Variants in NR6A1 observed in about 807,000 individuals in gnomAD.
NR6A1 encodes the protein nuclear receptor subfamily 6 group A member 1.
In NR6A1, 7 loss-of-function variants were observed where a neutral mutation model predicts 59.1. The ratio of observed to expected loss-of-function variants is 0.12; its 90% CI spans 0.07 to 0.22. The LOEUF is 0.22. NR6A1 is among the 10% of genes least tolerant of loss of function. The pLI is 1.00. For missense variants in NR6A1, 468 were observed against 611.6 expected (o/e 0.77, Z 2.48); for synonymous variants, 243 against 236.1 (o/e 1.03, Z -0.27).
chr9:124,561,366 T>G lies in NR6A1; in HGVS notation c.143-6796A>C, dbSNP rs139682689. Reference sequence around the variant, plus strand: ...GGTAGGAGTATCACCTGAGCCCAGGTGGTCGAAGATGCAGTGAGCTGTGAT... The same window carrying G: ...GGTAGGAGTATCACCTGAGCCCAGGGGGTCGAAGATGCAGTGAGCTGTGAT... On this transcript the variant is annotated intron_variant, in intron 2 of 9. Transcript: ENST00000487099. 4.0e-3 allele frequency among the ~76,000 whole-genome samples: 613 copies of G among 152,098 alleles called. 3 individuals are homozygous for G. Among genetic ancestry groups the G allele is most frequent in the African/African-American group, 0.013 (558 of 41,498 alleles).
At chr9:124,668,954 C>T (rs1837707061) in intron 2 of NR6A1, among the ~76,000 whole-genome samples, 1 of 152,094 alleles carries the variant, frequency 6.6e-6, no homozygotes, top group South Asian at 2.1e-4. Context: ...TAAAGGAAAA[C>T]TCAAAATGAA....
rs933507312 is a variant in NR6A1 at position 124,599,122 on chromosome 9, A to G, written c.143-44552T>C. On this transcript the variant is annotated intron_variant, in intron 2 of 9. Transcript: ENST00000487099. ...ATTCTAGGAGACGGTTCTCTGCGGC[A>G]AATCACAGTTTCGCCCCCATTTTAA... The G allele has an allele frequency of 1.8e-5, 12 of 676,274 alleles. No individual in the cohort carries two copies. The South Asian group carries it at 1.8e-4, about 10-fold the overall frequency. 41.9% of individuals were successfully genotyped at this position (676,274 alleles called of 1,614,324 possible).
At chr9:124,697,642 G>C (rs1722636051) in intron 2 of NR6A1, among the ~76,000 whole-genome samples, 1 of 149,432 alleles carries the variant, frequency 6.7e-6, no homozygotes, top group South Asian at 2.1e-4. Context: ...TGGTGAAAAA[G>C]TCATGAGACA....
At chr9:124,681,155 T>C (rs1588776918) in intron 2 of NR6A1, among the ~76,000 whole-genome samples, 1 of 152,120 alleles carries the variant, frequency 6.6e-6, no homozygotes, top group Non-Finnish European at 1.5e-5. Context: ...AGCACTGGAG[T>C]TATTGTTACG....
At chr9:124,565,413 C>A (rs1220843339) in intron 2 of NR6A1, among the ~76,000 whole-genome samples, 1 of 151,788 alleles carries the variant, frequency 6.6e-6, no homozygotes, top group African/African-American at 2.4e-5. Context: ...GGCAACAGAA[C>A]GAGACTCCGT....
intron 2 of NR6A1, among the ~76,000 whole-genome samples, chr9:124,660,938 ATAAAATTAGTATCTTTT>A (rs1425087968): frequency 1.3e-5 from 2 of 152,226 alleles, no homozygotes; most frequent in African/African-American, 4.8e-5. Flanking sequence ...GTGACATGTA[ATAAAATTAGTATCTTTT>A]TAAAATTCCA....
At chr9:124,582,144 T>G (rs556312605) in intron 2 of NR6A1, among the ~76,000 whole-genome samples, 10 of 152,274 alleles carry the variant, frequency 6.6e-5, no homozygotes, top group African/African-American at 1.9e-4. Context: ...TGCAGTACTA[T>G]TCACAATAGC....
intron 2 of NR6A1, among the ~76,000 whole-genome samples, chr9:124,676,397 T>C (rs531943621): frequency 1.2e-4 from 18 of 152,110 alleles, no homozygotes; most frequent in Non-Finnish European, 2.6e-4. Flanking sequence ...CAAGCTGGCA[T>C]AGTTCTGATG....
intron 2 of NR6A1, among the ~76,000 whole-genome samples, chr9:124,626,088 C>T (rs1243924404): frequency 6.6e-6 from 1 of 152,240 alleles, no homozygotes; most frequent in African/African-American, 2.4e-5. Context: ...CTTACTGCAA[C>T]CTCTGCCTGC....
chr9:124,767,481 C>T (rs919372568), intron 1 of NR6A1, among the ~76,000 whole-genome samples: 4 of 149,006 alleles, frequency 2.7e-5, no homozygotes, highest in African/African-American at 9.9e-5. Flanking sequence ...CTACCCTAGC[C>T]GTCTTTGGAG....
chr9:124,760,579 G>C (rs1183413127), intron 1 of NR6A1, among the ~76,000 whole-genome samples: 2 of 152,104 alleles, frequency 1.3e-5, no homozygotes, highest in Non-Finnish European at 2.9e-5. Context: ...TGGAGAAGAG[G>C]GGATGTTAAA....
At chr9:124,683,153 G>GA (rs1838223880) in intron 2 of NR6A1, among the ~76,000 whole-genome samples, 1 of 152,026 alleles carries the variant, frequency 6.6e-6, no homozygotes. Context: ...AGTGAGCTGG[G>GA]ATCACGCCAC....
intron 2 of NR6A1, among the ~76,000 whole-genome samples, chr9:124,683,536 G>A (rs1181306053): frequency 6.6e-6 from 1 of 152,234 alleles, no homozygotes; most frequent in Non-Finnish European, 1.5e-5. Context: ...GCTCATGCCT[G>A]TAATCCCAGC....
At position 124,665,183 on chromosome 9, in the gene NR6A1, C is replaced by CA. The variant is rs928587957; in HGVS notation, c.142+68124dup. Among the ~76,000 whole-genome samples the CA allele has an allele frequency of 9.2e-3, 1,155 of 125,018 alleles. 6 individuals carry two copies. Among genetic ancestry groups the CA allele is most frequent in the Middle Eastern group, 0.028 (7 of 246 alleles). 82.0% of individuals were successfully genotyped at this position (125,018 alleles called of 152,430 possible). ...CCAGGGTGACAACAAGAACCTTTCT[C>CA]AAAAAAAAAAAAAAGAATAAAATAA... is the stretch of plus-strand genomic sequence containing the variant. On this transcript the variant is annotated intron_variant, in intron 2 of 9. Transcript: ENST00000487099.
intron 1 of NR6A1, among the ~76,000 whole-genome samples, chr9:124,744,769 AGTTT>A (rs1840276700): frequency 6.6e-6 from 1 of 152,208 alleles, no homozygotes; most frequent in Non-Finnish European, 1.5e-5. Context: ...CTGATCAAGG[AGTTT>A]GTTTGAACAT....
intron 3 of NR6A1, among the ~76,000 whole-genome samples, chr9:124,552,162 T>C (rs1362329831): frequency 6.6e-6 from 1 of 152,148 alleles, no homozygotes; most frequent in East Asian, 1.9e-4. Flanking sequence ...GAGACAGCAG[T>C]CAAGAAGGCA....
At chr9:124,595,635 AC>A in intron 2 of NR6A1, 1 of 468,672 alleles carries the variant, frequency 2.1e-6, no homozygotes, top group South Asian at 1.6e-5. Context: ...CTCTGCGAAG[AC>A]ACAAAAAAAA....
chr9:124,554,202 G>C (rs912112406), intron 3 of NR6A1, 126 bp downstream of exon 3: 1 of 1,420,840 alleles, frequency 7.0e-7, no homozygotes, highest in East Asian at 2.3e-5. Context: ...TTCATTTTTG[G>C]TTATGAGTAC....
At chr9:124,640,175 A>G (rs1836730852) in intron 2 of NR6A1, among the ~76,000 whole-genome samples, 1 of 152,206 alleles carries the variant, frequency 6.6e-6, no homozygotes. Flanking sequence ...CTGAGATGGA[A>G]TTCAGCCAGT....
Sources: gnomAD v4.1 joint callset for allele counts (sites outside exome capture counted in the v4.1 genomes callset) on GRCh38, gnomAD v4.1.1 for gene constraint, MANE v1.5 for transcripts, NCBI Gene and HGNC (gene_info 2026-07-23, HGNC 2026-07-21) for gene names.